Variants in NPVF observed in about 807,000 individuals in gnomAD.
NPVF encodes the protein neuropeptide VF precursor.
A neutral mutation model predicts 15.7 loss-of-function variants in NPVF; 17 were observed. The observed-to-expected ratio is 1.08, with a 90% CI of 0.74 to 1.62. The LOEUF (loss-of-function observed/expected upper bound fraction) is 1.62, where lower values mean the gene tolerates loss of function less well. Ranked by LOEUF, NPVF falls within the 40% of genes most tolerant of loss-of-function variation. NPVF has a pLI of 0.00. For synonymous variants in NPVF, 70 were observed against 80.1 expected (o/e 0.87, Z 0.67); for missense variants, 270 against 225.2 (o/e 1.20, Z -1.27).
In NPVF at chr7:25,225,107, C is replaced by T. The variant is rs374104557; in HGVS notation, c.*15G>A. 9 of 1,611,508 alleles carry T rather than the reference C, an allele frequency of 5.6e-6. No homozygotes were observed. In the Middle Eastern group the frequency reaches 8.2e-4, roughly 147 times the overall value. ...AGATTACAGGCCACAGCTTTAGGGACAGGCTCCAGGTTTCTTATTTTTCTT... is the reference window on the plus strand; with the variant it reads ...AGATTACAGGCCACAGCTTTAGGGATAGGCTCCAGGTTTCTTATTTTTCTT... On this transcript the variant is annotated 3_prime_UTR_variant, in exon 3 of 3. Coordinates refer to ENST00000222674, the MANE Select transcript of NPVF (RefSeq NM_022150.3).
In NPVF at chr7:25,224,620, G is replaced by C. The variant is rs1783101504; in HGVS notation, c.*502C>G. ...AGTTTTTATTTTGTAGTTTTACACA[G>C]ACATTTACATTTCAATTGATCACAG... On this transcript the variant is annotated 3_prime_UTR_variant, in exon 3 of 3. Coordinates refer to ENST00000222674, the MANE Select transcript of NPVF (RefSeq NM_022150.3). The C allele has an allele frequency of 6.5e-6, 1 of 152,724 alleles. No individual in the cohort carries two copies. Among genetic ancestry groups the C allele is most frequent in the Non-Finnish European group, 1.5e-5 (1 of 68,478 alleles). The allele number at this position is 152,724 out of a possible 1,614,324, so 9.5% of individuals were successfully genotyped here.
At chr7:25,227,780 G>C (rs184109876) in intron 1 of NPVF, among the ~76,000 whole-genome samples, 82 of 152,156 alleles carry the variant, frequency 5.4e-4, no homozygotes, top group Non-Finnish European at 1.1e-3. Context: ...ATTATCCCTT[G>C]AGTAAAATGA....
Position 25,228,300 on chromosome 7 carries a change from A to AC in NPVF, c.138+1dup. ...CACATTAGAGAGATTTAAAAAACTTACCTCAGAATATTTGTCATAATTTTC... is the reference window on the plus strand; with the variant it reads ...CACATTAGAGAGATTTAAAAAACTTACCCTCAGAATATTTGTCATAATTTTC... On this transcript the variant is annotated splice_donor_variant, in intron 1 of 2. Coordinates refer to ENST00000222674, the MANE Select transcript of NPVF (RefSeq NM_022150.3). LOFTEE classifies it high-confidence loss of function. The AC allele has an allele frequency of 6.9e-7, 1 of 1,453,482 alleles. No individual in the cohort carries two copies. Among genetic ancestry groups the AC allele is most frequent in the South Asian group, 1.2e-5 (1 of 86,218 alleles). 90.0% of individuals were successfully genotyped at this position (1,453,482 alleles called of 1,614,324 possible). A position where few individuals can be genotyped will look rare whatever the true frequency, so the allele number is the denominator to read the frequency against.
At chr7:25,225,302 G>A in intron 2 of NPVF, 129 bp from the exon 3 acceptor site, 4 of 707,902 alleles carry the variant, frequency 5.7e-6, no homozygotes, top group South Asian at 1.8e-5. Context: ...CTTGAAATGA[G>A]TGAGATATTG....
rs372760881 is a variant in NPVF, at chr7:25,227,034, T to C, written c.139-8A>G. ...TTTTGGGTATCCTCTAGGCTATAATTAGAAATGACCATTACAATAACATAC... is the reference window on the plus strand; with the variant it reads ...TTTTGGGTATCCTCTAGGCTATAATCAGAAATGACCATTACAATAACATAC... On this transcript the variant is annotated splice_region_variant and splice_polypyrimidine_tract_variant and intron_variant, in intron 1 of 2. Transcript: ENST00000222674. 6 of 1,597,404 alleles carry C rather than the reference T, an allele frequency of 3.8e-6. No homozygotes were observed. The highest frequency in any genetic ancestry group is 1.4e-5 in the African/African-American group (1 of 74,060).
At chr7:25,225,829 C>G (rs2717852) in intron 2 of NPVF, among the ~76,000 whole-genome samples, 54,474 of 151,902 alleles carry the variant, frequency 0.36, 10,614 homozygotes, top group African/African-American at 0.53. Context: ...AGGCTCTGGG[C>G]ATATGGCAGT....
In NPVF at chr7:25,226,952, A is replaced by C; in HGVS notation, c.213T>G (p.Ile71Met). The stretch of plus-strand genomic sequence containing the variant: ...TATTGACTGCAGGTGTACTCATCTT[A>C]ATAACATTTTTTGGTCCCCAATCTT... ...ELKDWGPKNV[I>M]KMSTPAVNKM... The change falls in exon 2 of 3, where the codon ATT becomes ATG. Residue 71 changes from isoleucine to methionine, a missense_variant. Physicochemically the swap from Ile to Met is conservative, Grantham distance 10. Coordinates refer to ENST00000222674, the MANE Select transcript of NPVF (RefSeq NM_022150.3). 7.8e-7 allele frequency: 1 copy of C among 1,281,668 alleles called. No individual in the cohort carries two copies. Among genetic ancestry groups the C allele is most frequent in the Non-Finnish European group, 1.0e-6 (1 of 958,020 alleles). 79.4% of individuals were successfully genotyped at this position (1,281,668 alleles called of 1,614,324 possible). A position where few individuals can be genotyped will look rare whatever the true frequency, so the allele number is the denominator to read the frequency against.
intron 2 of NPVF, 105 bp from the exon 3 acceptor site, chr7:25,225,278 T>A: frequency 1.2e-6 from 1 of 856,338 alleles, no homozygotes; most frequent in South Asian, 1.5e-5. Context: ...ATACTTGAGT[T>A]GAATTGTGTT....
chr7:25,228,297 C>G lies in NPVF; in HGVS notation c.138+5G>C. On this transcript the variant is annotated splice_donor_5th_base_variant and intron_variant, in intron 1 of 2. Coordinates refer to ENST00000222674, the MANE Select transcript of NPVF (RefSeq NM_022150.3). ...ACTCACATTAGAGAGATTTAAAAAA[C>G]TTACCTCAGAATATTTGTCATAATT... 2.1e-6 allele frequency: 3 copies of G among 1,444,502 alleles called. No individual in the cohort carries two copies. Among genetic ancestry groups the G allele is most frequent in the Non-Finnish European group, 2.9e-6 (3 of 1,031,308 alleles). 89.5% of individuals were successfully genotyped at this position (1,444,502 alleles called of 1,614,324 possible). A position where few individuals can be genotyped will look rare whatever the true frequency, so the allele number is the denominator to read the frequency against.
chr7:25,225,097 G>A lies in NPVF; in HGVS notation c.*25C>T, dbSNP rs779065510. 1.2e-6 allele frequency: 2 copies of A among 1,608,804 alleles called. No individual in the cohort carries two copies. The highest frequency in any genetic ancestry group is 2.2e-5 in the South Asian group (2 of 90,662). On this transcript the variant is annotated 3_prime_UTR_variant, in exon 3 of 3. Coordinates refer to ENST00000222674, the MANE Select transcript of NPVF (RefSeq NM_022150.3). The stretch of plus-strand genomic sequence containing the variant: ...AGCCATTTGTAGATTACAGGCCACA[G>A]CTTTAGGGACAGGCTCCAGGTTTCT...
intron 1 of NPVF, among the ~76,000 whole-genome samples, chr7:25,227,371 T>G (rs937261735): frequency 5.9e-5 from 9 of 152,176 alleles, no homozygotes; most frequent in African/African-American, 2.2e-4. Context: ...TTCATGTTGC[T>G]TATGGAATAT....
Position 25,226,997 on chromosome 7 carries a change from G to T in NPVF, c.168C>A (p.Ser56Arg), listed in dbSNP as rs147644964. 560 of 1,613,300 alleles carry T rather than the reference G, an allele frequency of 3.5e-4. 5 individuals carry two copies. The highest frequency in any genetic ancestry group is 3.0e-4 in the Admixed American group (18 of 59,928). ...EPRGYPKGERSLNFEELKDWG... is the reference protein window; with the variant it reads ...EPRGYPKGERRLNFEELKDWG... ...AATCTTTTAATTCCTCAAAATTGAG[G>T]CTTCTTTCCCCTTTTGGGTATCCTC... Residue 56 changes from serine (S) to arginine (R), a missense_variant, in exon 2 of 3, where the codon AGC becomes AGA. Physicochemically the swap from Ser to Arg is moderately radical, Grantham distance 110 (BLOSUM62 -1). Transcript: ENST00000222674.
intron 1 of NPVF, among the ~76,000 whole-genome samples, chr7:25,227,479 A>G (rs2097758): frequency 0.93 from 141,835 of 152,250 alleles, 66,184 homozygotes; most frequent in East Asian, 1. Context: ...ACGGTACATC[A>G]AAACAGAGAT....
At chr7:25,227,802 A>G in intron 1 of NPVF, among the ~76,000 whole-genome samples, 1 of 152,230 alleles carries the variant, frequency 6.6e-6, no homozygotes, top group East Asian at 1.9e-4. Flanking sequence ...TATACACGCT[A>G]ATTTCATCAG....
rs554402259 is a variant in NPVF, at chr7:25,226,642, C to T, written c.523G>A (p.Asp175Asn). The change falls in exon 2 of 3, where the codon GAT (aspartate) becomes AAT (asparagine). Residue 175 changes from aspartate to asparagine, a missense_variant. Coordinates refer to ENST00000222674, the MANE Select transcript of NPVF (RefSeq NM_022150.3). ...TCQHQEIQNP[D>N]QKQSRRLLFK... is the part of the protein sequence containing the mutation. ...GGTATTTACCTTGACTGTTTTTGATCGGGATTCTGGATTTCTTGGTGCTGG... is the reference window on the plus strand; with the variant it reads ...GGTATTTACCTTGACTGTTTTTGATTGGGATTCTGGATTTCTTGGTGCTGG... The T allele has an allele frequency of 3.2e-5, 51 of 1,613,308 alleles. 1 individual carries two copies. Among genetic ancestry groups the T allele is most frequent in the African/African-American group, 2.3e-4 (17 of 75,016 alleles).
chr7:25,228,065 C>T (rs562290587), intron 1 of NPVF, among the ~76,000 whole-genome samples: 4 of 152,234 alleles, frequency 2.6e-5, no homozygotes, highest in East Asian at 1.9e-4. Context: ...ATTATTAATG[C>T]GCTGTATGCT....
At chr7:25,227,085 C>A in intron 1 of NPVF, 59 bp from the exon 2 acceptor site, 3 of 1,399,346 alleles carry the variant, frequency 2.1e-6, no homozygotes, top group Admixed American at 2.2e-5. Context: ...CAGATTTAAA[C>A]CCCCAATTAA....
chr7:25,225,311 T>TG (rs34951276), intron 2 of NPVF, 138 bp from the exon 3 acceptor site: 1 of 677,014 alleles, frequency 1.5e-6, no homozygotes, highest in Non-Finnish European at 2.5e-6. Flanking sequence ...AGTGAGATAT[T>TG]GGGGGGATGC....
rs776387914 is a variant in NPVF at position 25,225,205 on chromosome 7, C to T, written c.540-32G>A. 147 of 1,550,482 alleles carry T rather than the reference C, an allele frequency of 9.5e-5. 1 individual carries two copies. Among genetic ancestry groups the T allele is most frequent in the Non-Finnish European group, 1.2e-4 (139 of 1,124,872 alleles). On this transcript the variant is annotated intron_variant, in intron 2 of 2. Coordinates refer to ENST00000222674, the MANE Select transcript of NPVF (RefSeq NM_022150.3). The stretch of plus-strand genomic sequence containing the variant: ...TGTAAGCAGTATAAAATGTTGTCAC[C>T]CATCAGAACAACAGCATGCAAGTGT...
Sources: allele counts gnomAD v4.1 joint callset (sites outside exome capture counted in the v4.1 genomes callset), GRCh38; gene constraint gnomAD v4.1.1; transcripts MANE v1.5; gene names NCBI Gene and HGNC (gene_info 2026-07-23, HGNC 2026-07-21).